Variants in PRKCA observed in about 807,000 individuals in gnomAD.
The protein encoded by PRKCA is protein kinase C alpha, also known as protein kinase C alpha type.
Under a neutral mutation model 87.0 loss-of-function variants are expected in PRKCA, and 27 were observed. The observed-to-expected ratio is 0.31, with a 90% CI of 0.23 to 0.43. PRKCA has a LOEUF of 0.43. PRKCA is among the 20% of genes least tolerant of loss of function. The pLI, the probability that PRKCA is intolerant of heterozygous loss-of-function variation, is 1.00. For missense variants in PRKCA, 518 were observed against 852.3 expected (o/e 0.61, Z 4.88); for synonymous variants, 329 against 311.1 (o/e 1.06, Z -0.61).
chr17:66,639,939 G>A (rs1188415053), intron 3 of PRKCA, among the ~76,000 whole-genome samples: 1 of 152,124 alleles, frequency 6.6e-6, no homozygotes, highest in East Asian at 1.9e-4. Flanking sequence ...AGGTTGCAGT[G>A]AGCCGAGCTC....
intron 14 of PRKCA, chr17:66,777,916 G>C: frequency 1.0e-6 from 1 of 985,340 alleles, no homozygotes; most frequent in Non-Finnish European, 1.2e-6. Context: ...AGCCTTCCTG[G>C]GATCTCATTC....
At chr17:66,306,021 T>G in intron 1 of PRKCA, 75 bp from the exon 2 acceptor site, 4 of 1,380,232 alleles carry the variant, frequency 2.9e-6, no homozygotes, top group Non-Finnish European at 4.1e-6. Flanking sequence ...GAGTACTTGG[T>G]CACATAACTT....
At chr17:66,660,012 A>T (rs1295346856) in intron 5 of PRKCA, among the ~76,000 whole-genome samples, 1 of 152,210 alleles carries the variant, frequency 6.6e-6, no homozygotes, top group Non-Finnish European at 1.5e-5. Context: ...CAGGTAGGAC[A>T]TCCCAAAGCT....
chr17:66,534,520 A>G (rs1329239355), intron 3 of PRKCA, among the ~76,000 whole-genome samples: 2 of 152,064 alleles, frequency 1.3e-5, no homozygotes, highest in African/African-American at 4.8e-5. Context: ...ACAAAAAATT[A>G]GCCGGGCGTG....
Position 66,799,421 on chromosome 17 carries a change from GTGA to G in PRKCA, c.1855-4449_1855-4447del, listed in dbSNP as rs1975814891. 2.9e-4 allele frequency among the ~76,000 whole-genome samples: 3 copies of G among 10,212 alleles called. 1 individual carries two copies. Among genetic ancestry groups the G allele is most frequent in the South Asian group, 5.0e-3 (2 of 402 alleles). The allele number at this position is 10,212 out of a possible 152,430, so 6.7% of individuals were successfully genotyped here. A position where few individuals can be genotyped will look rare whatever the true frequency, so the allele number is the denominator to read the frequency against. On this transcript the variant is annotated intron_variant, in intron 16 of 16. Coordinates refer to ENST00000413366, the MANE Select transcript of PRKCA (RefSeq NM_002737.3). ...GGTGGTGATGGTGGTGGTGGTGGTG[GTGA>G]TGGTGGTGGTGGTGATGGTGGTGGT...
intron 4 of PRKCA, among the ~76,000 whole-genome samples, chr17:66,644,274 A>T (rs181227387): frequency 2.0e-5 from 3 of 152,298 alleles, no homozygotes; most frequent in Admixed American, 6.5e-5. Flanking sequence ...ATTATTCATG[A>T]TGCTTTTTCC....
At chr17:66,514,758 G>T (rs72843653) in intron 3 of PRKCA, among the ~76,000 whole-genome samples, 21,241 of 152,072 alleles carry the variant, frequency 0.14, 1,782 homozygotes, top group East Asian at 0.3. Flanking sequence ...ACAGATGCTT[G>T]TTAAGGCCGT....
chr17:66,694,480 CAAAAAAAAA>C lies in PRKCA; in HGVS notation c.918+5452_918+5460del, dbSNP rs57941055. 1.1e-4 allele frequency among the ~76,000 whole-genome samples: 4 copies of C among 35,214 alleles called. No individual in the cohort carries two copies. The Admixed American group carries it at 1.6e-3, about 14-fold the overall frequency. 23.1% of individuals were successfully genotyped at this position (35,214 alleles called of 152,430 possible). A position where few individuals can be genotyped will look rare whatever the true frequency, so the allele number is the denominator to read the frequency against. On this transcript the variant is annotated intron_variant, in intron 8 of 16. Transcript: ENST00000413366. ...TGGGCGACAGAGCGAGACTCTGTCT[CAAAAAAAAA>C]AAAAAAAAAAAAAAAAAAGGATTTG...
At chr17:66,437,731 T>TTTTTTTTTTAA (rs55779501) in intron 2 of PRKCA, among the ~76,000 whole-genome samples, 1 of 11,140 alleles carries the variant, frequency 9.0e-5, no homozygotes, top group Non-Finnish European at 1.6e-4. Flanking sequence ...TTTTTTTTTT[T>TTTTTTTTTTAA]GAGCGGGGGG....
intron 2 of PRKCA, among the ~76,000 whole-genome samples, chr17:66,458,192 T>G (rs1382921026): frequency 6.6e-6 from 1 of 152,248 alleles, no homozygotes; most frequent in Non-Finnish European, 1.5e-5. Context: ...TATTGGAACA[T>G]GAAAGAAAGC....
chr17:66,785,507 C>T (rs1485177094), intron 14 of PRKCA, among the ~76,000 whole-genome samples: 1 of 152,198 alleles, frequency 6.6e-6, no homozygotes, highest in African/African-American at 2.4e-5. Context: ...CTCTGCCTTT[C>T]TGACGCTAAG....
chr17:66,518,378 C>T (rs1006779477), intron 3 of PRKCA, among the ~76,000 whole-genome samples: 3 of 152,230 alleles, frequency 2.0e-5, no homozygotes, highest in African/African-American at 7.2e-5. Flanking sequence ...AGTTGAAGGG[C>T]CTCCTAAGAA....
chr17:66,549,785 C>T (rs373697301), intron 3 of PRKCA, among the ~76,000 whole-genome samples: 44 of 152,204 alleles, frequency 2.9e-4, no homozygotes, highest in African/African-American at 1.1e-3. Context: ...TAATTGCCTC[C>T]TATGTTGCTG....
intron 2 of PRKCA, among the ~76,000 whole-genome samples, chr17:66,383,976 A>G (rs1452897150): frequency 6.6e-6 from 1 of 152,054 alleles, no homozygotes; most frequent in Non-Finnish European, 1.5e-5. Flanking sequence ...TTTTTGATGA[A>G]GCCATTAATG....
intron 3 of PRKCA, among the ~76,000 whole-genome samples, chr17:66,526,487 G>A (rs928495613): frequency 1.3e-5 from 2 of 152,142 alleles, no homozygotes; most frequent in African/African-American, 2.4e-5. Context: ...ACTCTGCGCC[G>A]TACCTCTTCT....
chr17:66,431,676 C>T (rs569955875), intron 2 of PRKCA, among the ~76,000 whole-genome samples: 84 of 152,310 alleles, frequency 5.5e-4, no homozygotes, highest in Middle Eastern at 6.8e-3. Context: ...TGCCCTTCCC[C>T]TCCATTGTAT....
At position 66,641,359 on chromosome 17, in the gene PRKCA, C is replaced by T; in HGVS notation, c.293C>T (p.Pro98Leu). The part of the protein sequence containing the change: ...GADKGPDTDD[P>L]RSKHKFKIHT... ...TTGTGCTTCTTCTCCTCCCAGGACC[C>T]CAGGAGCAAGCACAAGTTCAAAATC... Residue 98 changes from proline (P) to leucine (L), a missense_variant, in exon 4 of 17, where the codon CCC (proline) becomes CTC (leucine). Pro to Leu is a moderately conservative substitution (Grantham distance 98). Coordinates refer to ENST00000413366, the MANE Select transcript of PRKCA (RefSeq NM_002737.3). 4 of 1,611,616 alleles carry T rather than the reference C, an allele frequency of 2.5e-6. No homozygotes were observed. The highest frequency in any genetic ancestry group is 3.3e-5 in the Admixed American group (2 of 59,856).
At chr17:66,526,870 G>A (rs1967363411) in intron 3 of PRKCA, among the ~76,000 whole-genome samples, 1 of 152,194 alleles carries the variant, frequency 6.6e-6, no homozygotes, top group Non-Finnish European at 1.5e-5. Context: ...TGGAGATGGT[G>A]AAGAAGCAGT....
intron 2 of PRKCA, among the ~76,000 whole-genome samples, chr17:66,486,464 T>C (rs749968634): frequency 1.3e-5 from 2 of 152,172 alleles, no homozygotes; most frequent in Non-Finnish European, 2.9e-5. Flanking sequence ...TTATCTTTTC[T>C]CCTTGGCTCT....
Sources: gnomAD v4.1 joint callset for allele counts (sites outside exome capture counted in the v4.1 genomes callset) on GRCh38, gnomAD v4.1.1 for gene constraint, MANE v1.5 for transcripts, NCBI Gene and HGNC (gene_info 2026-07-23, HGNC 2026-07-21) for gene names.